IFT25: variants seen among roughly 807,000 people sequenced by gnomAD.
The protein encoded by IFT25 is intraflagellar transport protein 25 homolog.
chr1:53,918,663 CTT>C, the IFT25 span, among the ~76,000 whole-genome samples: 228 of 152,304 alleles, frequency 1.5e-3, 2 homozygotes, highest in Non-Finnish European at 1.7e-3. Context: ...TCCTCTATCT[CTT>C]GAGTTTCCTG....
chr1:53,939,994 A>G, the IFT25 span: 9 of 1,586,194 alleles, frequency 5.7e-6, no homozygotes, highest in African/African-American at 8.1e-5. Flanking sequence ...CCCATCAATG[A>G]TATTTTCAGG....
chr1:53,939,022 C>T, the IFT25 span, among the ~76,000 whole-genome samples: 36 of 133,260 alleles, frequency 2.7e-4, no homozygotes, highest in East Asian at 1.1e-3. Context: ...TTTGGTGAGC[C>T]GAGATCGTGC....
the IFT25 span, among the ~76,000 whole-genome samples, chr1:53,921,965 T>C: frequency 6.6e-6 from 1 of 152,208 alleles, no homozygotes; most frequent in Non-Finnish European, 1.5e-5. Flanking sequence ...CAACTGGAGC[T>C]AAAAACTGCA....
the IFT25 span, chr1:53,921,866 C>A: frequency 4.1e-6 from 3 of 733,482 alleles, no homozygotes; most frequent in East Asian, 7.6e-5. Flanking sequence ...GAGTAATATT[C>A]TAAATATATA....
At chr1:53,931,178 T>C in the IFT25 span, among the ~76,000 whole-genome samples, 1 of 152,206 alleles carries the variant, frequency 6.6e-6, no homozygotes, top group Admixed American at 6.5e-5. Flanking sequence ...ATTCGTGATT[T>C]TGTTTGATAT....
the IFT25 span, among the ~76,000 whole-genome samples, chr1:53,926,721 G>T: frequency 6.7e-6 from 1 of 150,200 alleles, no homozygotes; most frequent in South Asian, 2.1e-4. Flanking sequence ...CCACATTCTA[G>T]ATTTTTTTTT....
chr1:53,930,175 A>C, the IFT25 span: 1 of 1,526,474 alleles, frequency 6.6e-7, no homozygotes, highest in Admixed American at 2.5e-5. Flanking sequence ...AAAAATAAGA[A>C]TAGCCAAATA....
chr1:53,942,327 C>T, the IFT25 span, among the ~76,000 whole-genome samples: 1 of 152,066 alleles, frequency 6.6e-6, no homozygotes, highest in Non-Finnish European at 1.5e-5. Flanking sequence ...TTGTATGGCC[C>T]ACAAGCTAAA....
chr1:53,935,160 A>G, the IFT25 span, among the ~76,000 whole-genome samples: 1 of 152,176 alleles, frequency 6.6e-6, no homozygotes, highest in Non-Finnish European at 1.5e-5. Flanking sequence ...CTAAAAATAC[A>G]AAAATTAGAC....
the IFT25 span, among the ~76,000 whole-genome samples, chr1:53,942,108 G>A: frequency 6.6e-6 from 1 of 152,154 alleles, no homozygotes; most frequent in South Asian, 2.1e-4. Flanking sequence ...ACAAAGCTGG[G>A]ATGTCAGCTG....
At chr1:53,918,907 C>T in the IFT25 span, among the ~76,000 whole-genome samples, 2 of 152,046 alleles carry the variant, frequency 1.3e-5, no homozygotes, top group East Asian at 3.9e-4. Flanking sequence ...GGCGTGATCT[C>T]GGCTCACTGC....
the IFT25 span, chr1:53,929,948 G>C: frequency 6.9e-7 from 1 of 1,442,974 alleles, no homozygotes; most frequent in Non-Finnish European, 9.0e-7. Flanking sequence ...TTCTGCCTGT[G>C]GAAAAAATGA....
the IFT25 span, among the ~76,000 whole-genome samples, chr1:53,924,694 G>A: frequency 3.6e-4 from 55 of 152,066 alleles, no homozygotes; most frequent in African/African-American, 1.2e-3. Context: ...AAAATTAGCC[G>A]GGTGTGGTGG....
At chr1:53,935,354 T>C in the IFT25 span, among the ~76,000 whole-genome samples, 15 of 152,174 alleles carry the variant, frequency 9.9e-5, no homozygotes, top group Non-Finnish European at 2.1e-4. Context: ...AATGTCTCAA[T>C]AGATAAAATC....
chr1:53,940,717 TTA>T, the IFT25 span, among the ~76,000 whole-genome samples: 7 of 152,138 alleles, frequency 4.6e-5, no homozygotes, highest in Non-Finnish European at 8.8e-5. Context: ...ATTTTATGTT[TTA>T]GTTTTTTAGA....
chr1:53,928,224 C>T, the IFT25 span: 7 of 607,726 alleles, frequency 1.2e-5, no homozygotes, highest in East Asian at 2.0e-4. Context: ...GCTTTGTATT[C>T]AAACCTGGGT....
At chr1:53,938,086 A>T in the IFT25 span, among the ~76,000 whole-genome samples, 1 of 152,176 alleles carries the variant, frequency 6.6e-6, no homozygotes, top group East Asian at 1.9e-4. Context: ...TTTTATTTTG[A>T]GCAAGTCATC....
the IFT25 span, among the ~76,000 whole-genome samples, chr1:53,922,702 G>A: frequency 6.6e-6 from 1 of 151,990 alleles, no homozygotes; most frequent in Admixed American, 6.6e-5. Flanking sequence ...TAATGACAGA[G>A]GGAAGAAAAA....
the IFT25 span, chr1:53,930,200 T>C: frequency 2.0e-6 from 3 of 1,472,342 alleles, no homozygotes; most frequent in Non-Finnish European, 2.7e-6. Flanking sequence ...TGGTTAATCA[T>C]AAAATTTTAT....
Sources: allele counts gnomAD v4.1 joint callset (sites outside exome capture counted in the v4.1 genomes callset), GRCh38; gene constraint gnomAD v4.1.1; transcripts MANE v1.5; gene names NCBI Gene and HGNC (gene_info 2026-07-23, HGNC 2026-07-21).